RANBP10: variants seen among roughly 807,000 people sequenced by gnomAD.
RANBP10 encodes ran-binding protein 10.
A neutral mutation model predicts 72.8 loss-of-function variants in RANBP10; 24 were observed. That is an observed-to-expected ratio of 0.33 (90% CI 0.24 to 0.46). RANBP10 has a LOEUF of 0.46. Among genes scored for constraint, RANBP10 ranks in the 20% least tolerant of loss-of-function variants. RANBP10 has a pLI of 1.00. For synonymous variants in RANBP10, 310 were observed against 322.3 expected (o/e 0.96, Z 0.41); for missense variants, 679 against 817.5 (o/e 0.83, Z 2.07).
intron 1 of RANBP10, 144 bp downstream of exon 1, chr16:67,806,158 C>T (rs1326272498): frequency 1.0e-5 from 8 of 797,044 alleles, no homozygotes; most frequent in Non-Finnish European, 1.6e-5. Context: ...TGTTCAGCCT[C>T]ACCACCCTGG....
At chr16:67,759,032 C>T (rs1265920048) in intron 3 of RANBP10, among the ~76,000 whole-genome samples, 1 of 152,224 alleles carries the variant, frequency 6.6e-6, no homozygotes, top group East Asian at 1.9e-4. Context: ...AGCAAATTAT[C>T]TGAAACAAGC....
At chr16:67,784,028 G>C (rs1463000046) in intron 2 of RANBP10, among the ~76,000 whole-genome samples, 1 of 133,734 alleles carries the variant, frequency 7.5e-6, no homozygotes, top group Admixed American at 8.5e-5. Flanking sequence ...GAGTGACAGA[G>C]AGAGAGACTC....
At chr16:67,761,713 G>A (rs2054397925) in intron 3 of RANBP10, among the ~76,000 whole-genome samples, 1 of 152,078 alleles carries the variant, frequency 6.6e-6, no homozygotes, top group South Asian at 2.1e-4. Flanking sequence ...GGGACTACAG[G>A]CGCATACCAC....
chr16:67,783,972 G>A (rs1274676245), intron 2 of RANBP10, among the ~76,000 whole-genome samples: 1 of 151,418 alleles, frequency 6.6e-6, no homozygotes, highest in Non-Finnish European at 1.5e-5. Context: ...GAACCTGGAA[G>A]GTGGAGGTTG....
chr16:67,786,256 G>C (rs1360854020), intron 2 of RANBP10, among the ~76,000 whole-genome samples: 2 of 152,030 alleles, frequency 1.3e-5, no homozygotes, highest in Admixed American at 6.6e-5. Flanking sequence ...TTGAGCCCAG[G>C]AGGTTAAGTC....
intron 12 of RANBP10, 139 bp downstream of exon 12, chr16:67,727,612 T>G: frequency 7.2e-7 from 1 of 1,395,662 alleles, no homozygotes; most frequent in Non-Finnish European, 9.9e-7. Flanking sequence ...ACATGTCCAG[T>G]GGGCCCAGAT....
chr16:67,783,646 C>G lies in RANBP10; in HGVS notation c.348-11560G>C, dbSNP rs143419836. On this transcript the variant is annotated intron_variant, in intron 2 of 13. Coordinates refer to ENST00000317506, the MANE Select transcript of RANBP10 (RefSeq NM_020850.3). ...AGCTCCTTCCCAGCTTTGACCTAGA[C>G]TTCAATTCTTCACAGAAAAATGTCT... Among the ~76,000 whole-genome samples the G allele has an allele frequency of 2.7e-4, 41 of 152,298 alleles. No homozygotes were observed. In the Middle Eastern group the frequency reaches 0.024, roughly 88 times the overall value.
chr16:67,751,776 C>T (rs1028446090), intron 3 of RANBP10, among the ~76,000 whole-genome samples: 16 of 151,892 alleles, frequency 1.1e-4, no homozygotes, highest in Non-Finnish European at 1.6e-4. Flanking sequence ...ATTAGCTGGG[C>T]GTGGTGGCGT....
intron 2 of RANBP10, among the ~76,000 whole-genome samples, chr16:67,787,330 A>G (rs1172050804): frequency 6.6e-6 from 1 of 152,116 alleles, no homozygotes; most frequent in African/African-American, 2.4e-5. Flanking sequence ...AGACCAGACT[A>G]GGCAAGACAG....
intron 2 of RANBP10, among the ~76,000 whole-genome samples, chr16:67,784,511 C>G (rs930463692): frequency 6.6e-6 from 1 of 152,124 alleles, no homozygotes; most frequent in Non-Finnish European, 1.5e-5. Flanking sequence ...ACAAAATTAG[C>G]CGGGCGTGGT....
rs144388890 is a variant in RANBP10 at position 67,792,240 on chromosome 16, T to C, written c.347+13188A>G. Among the ~76,000 whole-genome samples the C allele has an allele frequency of 2.9e-3, 439 of 152,042 alleles. 4 individuals carry two copies. The highest frequency in any genetic ancestry group is 0.01 in the African/African-American group (420 of 41,478). Reference sequence around the variant, plus strand: ...AAGGGCATTACAGAGATGAGTGACCTGGGCCTTAGAACTATTCAAAAAATA... The same window carrying C: ...AAGGGCATTACAGAGATGAGTGACCCGGGCCTTAGAACTATTCAAAAAATA... On this transcript the variant is annotated intron_variant, in intron 2 of 13. Coordinates refer to ENST00000317506, the MANE Select transcript of RANBP10 (RefSeq NM_020850.3).
Position 67,731,543 on chromosome 16 carries a change from G to A in RANBP10, c.818C>T (p.Thr273Ile). Reference sequence around the variant, plus strand: ...AGTCATTCGAGCAAAAGCCGTGGCTGTGGCACAATACCCATGATGCACGAG... The same window carrying A: ...AGTCATTCGAGCAAAAGCCGTGGCTATGGCACAATACCCATGATGCACGAG... ...SYLVHHGYCATATAFARMTET... is the reference protein window; with the variant it reads ...SYLVHHGYCAIATAFARMTET... Residue 273 changes from threonine (T) to isoleucine (I), a missense_variant, in exon 7 of 14, where the codon ACA (threonine) becomes ATA (isoleucine). Physicochemically the swap from Thr to Ile is moderately conservative, Grantham distance 89 (BLOSUM62 -1). Coordinates refer to ENST00000317506, the MANE Select transcript of RANBP10 (RefSeq NM_020850.3). 1 of 1,614,212 alleles carries A rather than the reference G, an allele frequency of 6.2e-7. No individual in the cohort carries two copies. The highest frequency in any genetic ancestry group is 1.7e-5 in the Admixed American group (1 of 60,034).
Position 67,744,391 on chromosome 16 carries a change from A to G in RANBP10, c.465T>C (p.Thr155=). The G allele has an allele frequency of 6.2e-7, 1 of 1,614,258 alleles. No individual in the cohort carries two copies. Among genetic ancestry groups the G allele is most frequent in the East Asian group, 2.2e-5 (1 of 44,894 alleles). Residue 155 remains threonine (T), a synonymous_variant, in exon 4 of 14, where the codon ACT becomes ACC. Transcript: ENST00000317506. ...DDGHSFCSSG[T]GQPYGPTFTT... is the part of the protein sequence containing the mutation. ...TGAATGTGGGACCATAGGGCTGGCC[A>G]GTCCCCGAGGAGCAGAACGAATGCC... is the stretch of plus-strand genomic sequence containing the variant.
At chr16:67,777,409 G>A (rs1421842419) in intron 2 of RANBP10, among the ~76,000 whole-genome samples, 1 of 151,940 alleles carries the variant, frequency 6.6e-6, no homozygotes, top group Non-Finnish European at 1.5e-5. Flanking sequence ...GGTGGCGGGG[G>A]CCTGTAGTCC....
In RANBP10 at chr16:67,760,415, A is replaced by G. The variant is rs532582702; in HGVS notation, c.400+11619T>C. Among the ~76,000 whole-genome samples, 217 of 152,322 alleles carry G rather than the reference A, an allele frequency of 1.4e-3. 2 individuals are homozygous for G. The highest frequency in any genetic ancestry group is 2.5e-3 in the Non-Finnish European group (167 of 68,034). On this transcript the variant is annotated intron_variant, in intron 3 of 13. Transcript: ENST00000317506. Reference sequence around the variant, plus strand: ...ATGTGAAATATCAGCTGTTTGCAGAACGTGTCCTACCCAGCAGAAGCAGCT... The same window carrying G: ...ATGTGAAATATCAGCTGTTTGCAGAGCGTGTCCTACCCAGCAGAAGCAGCT...
At chr16:67,727,244 A>G in intron 13 of RANBP10, 83 bp downstream of exon 13, 1 of 1,333,178 alleles carries the variant, frequency 7.5e-7, no homozygotes, top group Non-Finnish European at 1.0e-6. Flanking sequence ...GATTGCTGTG[A>G]GCCAAGATTG....
chr16:67,771,086 C>T (rs937245594), intron 3 of RANBP10, among the ~76,000 whole-genome samples: 1 of 152,142 alleles, frequency 6.6e-6, no homozygotes, highest in Non-Finnish European at 1.5e-5. Flanking sequence ...AATGGCAGAA[C>T]TCTGTCTCTA....
intron 2 of RANBP10, among the ~76,000 whole-genome samples, chr16:67,797,863 A>G (rs2055160861): frequency 6.6e-6 from 1 of 151,620 alleles, no homozygotes; most frequent in Non-Finnish European, 1.5e-5. Context: ...GATGGCATGC[A>G]CCTGTAGTCC....
intron 2 of RANBP10, among the ~76,000 whole-genome samples, chr16:67,789,079 G>A (rs2054976515): frequency 6.6e-6 from 1 of 150,840 alleles, no homozygotes; most frequent in Non-Finnish European, 1.5e-5. Flanking sequence ...GGAGGCTGAG[G>A]CGGGCAGATT....
Sources: gnomAD v4.1 joint callset for allele counts (sites outside exome capture counted in the v4.1 genomes callset) on GRCh38, gnomAD v4.1.1 for gene constraint, MANE v1.5 for transcripts, NCBI Gene and HGNC (gene_info 2026-07-23, HGNC 2026-07-21) for gene names.